The following ZFAND3 variants were observed in gnomAD, a reference collection of about 807,000 sequenced individuals.
The protein encoded by ZFAND3 is zinc finger AN1-type containing 3.
In ZFAND3, 10 loss-of-function variants were observed where a neutral mutation model predicts 29.6. The ratio of observed to expected loss-of-function variants is 0.34; its 90% CI spans 0.21 to 0.57. The LOEUF (loss-of-function observed/expected upper bound fraction) is 0.57, where lower values mean the gene tolerates loss of function less well. Among genes scored for constraint, ZFAND3 ranks in the 20% least tolerant of loss-of-function variants. The pLI is 0.86. For synonymous variants in ZFAND3, 128 were observed against 112.6 expected (o/e 1.14, Z -0.87); for missense variants, 230 against 304.5 (o/e 0.76, Z 1.82).
Position 37,820,382 on chromosome 6 carries a change from C to G in ZFAND3, c.71+366C>G, listed in dbSNP as rs555710969. ...CTTCCGTGGGCATGTGGAAGCCAGC[C>G]CTTCCTCCCTCCCGGGGCGTGAGTT... is the stretch of plus-strand genomic sequence containing the variant. On this transcript the variant is annotated intron_variant, in intron 1 of 5. Transcript: ENST00000287218. Among the ~76,000 whole-genome samples the G allele has an allele frequency of 1.9e-4, 29 of 152,308 alleles. No individual in the cohort carries two copies. In the South Asian group the frequency reaches 5.4e-3, roughly 28 times the overall value.
chr6:37,837,823 G>C (rs1288577483), intron 1 of ZFAND3, among the ~76,000 whole-genome samples: 1 of 152,038 alleles, frequency 6.6e-6, no homozygotes, highest in African/African-American at 2.4e-5. Context: ...TCTTATTAAA[G>C]AACAACATAT....
intron 1 of ZFAND3, among the ~76,000 whole-genome samples, chr6:37,835,990 A>G (rs1204598549): frequency 6.6e-6 from 1 of 152,212 alleles, no homozygotes; most frequent in African/African-American, 2.4e-5. Context: ...TTTAGGGCTT[A>G]TGGACAATCT....
chr6:38,070,663 G>C (rs1764437031), intron 3 of ZFAND3, among the ~76,000 whole-genome samples: 1 of 151,996 alleles, frequency 6.6e-6, no homozygotes, highest in East Asian at 1.9e-4. Flanking sequence ...GTGGCTAATG[G>C]TGCATATGTT....
At chr6:37,945,131 T>G (rs1186606128) in intron 2 of ZFAND3, among the ~76,000 whole-genome samples, 1 of 152,190 alleles carries the variant, frequency 6.6e-6, no homozygotes, top group Non-Finnish European at 1.5e-5. Flanking sequence ...TCAAATCCAG[T>G]GCCATGTTGG....
At chr6:37,984,165 TTA>T (rs142254500) in intron 2 of ZFAND3, among the ~76,000 whole-genome samples, 1 of 152,364 alleles carries the variant, frequency 6.6e-6, no homozygotes, top group African/African-American at 2.4e-5. Context: ...ATAATGTGTC[TTA>T]TATTTATAAA....
intron 2 of ZFAND3, among the ~76,000 whole-genome samples, chr6:37,989,498 C>A (rs1762724108): frequency 6.6e-6 from 1 of 152,138 alleles, no homozygotes; most frequent in Non-Finnish European, 1.5e-5. Flanking sequence ...GGGCACTGAT[C>A]CCATTCGTAA....
At chr6:38,024,166 C>T (rs1763402256) in intron 2 of ZFAND3, among the ~76,000 whole-genome samples, 1 of 152,132 alleles carries the variant, frequency 6.6e-6, no homozygotes, top group South Asian at 2.1e-4. Context: ...AAATTCAAAA[C>T]AGGTGTATAA....
At chr6:38,118,105 G>T (rs963245203) in intron 5 of ZFAND3, among the ~76,000 whole-genome samples, 1 of 152,212 alleles carries the variant, frequency 6.6e-6, no homozygotes, top group African/African-American at 2.4e-5. Context: ...AAGAGGGTTA[G>T]GATAGGTGGT....
intron 3 of ZFAND3, among the ~76,000 whole-genome samples, chr6:38,080,176 G>GGGAT (rs1432532723): frequency 1.3e-5 from 2 of 152,004 alleles, no homozygotes; most frequent in African/African-American, 4.8e-5. Flanking sequence ...GTCTAGGGGA[G>GGGAT]GGATAGCATT....
chr6:37,878,658 G>T (rs1764837848), intron 1 of ZFAND3, among the ~76,000 whole-genome samples: 1 of 152,216 alleles, frequency 6.6e-6, no homozygotes. Context: ...CCTGCTGGTT[G>T]TGTAGTTTCT....
intron 4 of ZFAND3, among the ~76,000 whole-genome samples, chr6:38,103,321 A>G (rs561048167): frequency 6.6e-6 from 1 of 150,850 alleles, no homozygotes; most frequent in Admixed American, 6.6e-5. Context: ...CGTATATGAA[A>G]ATAAATCTGG....
rs554196795 is a variant in ZFAND3, at chr6:38,147,963, TAA to T, written c.530-4271_530-4270del. ...GCTGTGCAGAAGCTTTTAATTTAGTTAAGTCTCATTTGTCTATTTTTGTTTTT... is the reference window on the plus strand; with the variant it reads ...GCTGTGCAGAAGCTTTTAATTTAGTTGTCTCATTTGTCTATTTTTGTTTTT... On this transcript the variant is annotated intron_variant, in intron 5 of 5. Transcript: ENST00000287218. Among the ~76,000 whole-genome samples the T allele has an allele frequency of 1.4e-3, 211 of 152,332 alleles. 3 individuals carry two copies. Among genetic ancestry groups the T allele is most frequent in the Non-Finnish European group, 1.8e-3 (123 of 68,030 alleles).
intron 1 of ZFAND3, among the ~76,000 whole-genome samples, chr6:37,874,030 A>G (rs1234380197): frequency 2.0e-5 from 3 of 152,218 alleles, no homozygotes; most frequent in Admixed American, 2.0e-4. Flanking sequence ...CTTAAGCAAC[A>G]GAAATTTATT....
chr6:37,963,623 C>T (rs933063323), intron 2 of ZFAND3, among the ~76,000 whole-genome samples: 1 of 152,026 alleles, frequency 6.6e-6, no homozygotes, highest in Non-Finnish European at 1.5e-5. Context: ...AAATAAAATT[C>T]GTTTCTAGTT....
At chr6:37,920,243 TA>T (rs1449153056) in intron 1 of ZFAND3, among the ~76,000 whole-genome samples, 3 of 152,060 alleles carry the variant, frequency 2.0e-5, no homozygotes, top group Non-Finnish European at 4.4e-5. Flanking sequence ...TTGGGTGTGT[TA>T]GAGTTGATAG....
At chr6:37,833,215 A>C (rs1763897659) in intron 1 of ZFAND3, 2 of 152,122 alleles carry the variant, frequency 1.3e-5, no homozygotes, top group Non-Finnish European at 2.9e-5. Flanking sequence ...TTTTATGTGA[A>C]TTTTTTATTG....
At chr6:38,049,958 TTTTTTTTTTTGG>T (rs796517463) in intron 2 of ZFAND3, among the ~76,000 whole-genome samples, 33,706 of 62,258 alleles carry the variant, frequency 0.54, 6,290 homozygotes, top group East Asian at 0.69. Flanking sequence ...TTTTTTTTTT[TTTTTTTTTTTGG>T]GGGAGACAGA....
In ZFAND3 at chr6:37,977,826, C is replaced by CT. The variant is rs1455161118; in HGVS notation, c.112+47831dup. ...AATGAATGTTGAATTTTGTAAAATG[C>CT]TTTTCCTTCCTTCCTTCCTTCCTTC... On this transcript the variant is annotated intron_variant, in intron 2 of 5. Transcript: ENST00000287218. Among the ~76,000 whole-genome samples the CT allele has an allele frequency of 3.5e-3, 11 of 3,154 alleles. 1 individual carries two copies. The highest frequency in any genetic ancestry group is 0.17 in the Middle Eastern group (1 of 6). The allele number at this position is 3,154 out of a possible 152,430, so 2.1% of individuals were successfully genotyped here. A position where few individuals can be genotyped will look rare whatever the true frequency, so the allele number is the denominator to read the frequency against.
intron 2 of ZFAND3, among the ~76,000 whole-genome samples, chr6:37,988,644 TG>T (rs1009959665): frequency 2.6e-5 from 4 of 152,254 alleles, no homozygotes; most frequent in African/African-American, 9.6e-5. Context: ...AGCCTCATTC[TG>T]AGTTAAAACA....
Sources: allele counts gnomAD v4.1 joint callset (sites outside exome capture counted in the v4.1 genomes callset), GRCh38; gene constraint gnomAD v4.1.1; transcripts MANE v1.5; gene names NCBI Gene and HGNC (gene_info 2026-07-23, HGNC 2026-07-21).